The following PM20D2 variants were observed in gnomAD, a reference collection of about 807,000 sequenced individuals.
PM20D2 encodes peptidase M20 domain containing 2.
A neutral mutation model predicts 42.9 loss-of-function variants in PM20D2; 33 were observed. The observed-to-expected ratio is 0.77, with a 90% CI of 0.58 to 1.03. The LOEUF is 1.03. Among genes scored for constraint, PM20D2 ranks in the 50% least tolerant of loss-of-function variants. PM20D2 has a pLI of 0.00. For synonymous variants in PM20D2, 250 were observed against 228.2 expected, an observed-to-expected ratio of 1.10 and a Z score of -0.86; for missense variants, 548 against 557.0, an observed-to-expected ratio of 0.98 and a Z score of 0.16.
the PM20D2 span, among the ~76,000 whole-genome samples, chr6:89,116,183 T>G: frequency 4.6e-3 from 699 of 152,354 alleles, 1 homozygote; most frequent in African/African-American, 0.016. Flanking sequence ...CCTTATAGGC[T>G]GGCAGCTTCA....
chr6:89,161,939 G>A (rs1395450993), intron 6 of PM20D2, 49 bp downstream of exon 6: 1 of 1,518,550 alleles, frequency 6.6e-7, no homozygotes, highest in African/African-American at 1.4e-5. Flanking sequence ...TCTTCTTCTG[G>A]TAGTAGCTGC....
At chr6:89,113,565 T>C in the PM20D2 span, among the ~76,000 whole-genome samples, 1 of 152,182 alleles carries the variant, frequency 6.6e-6, no homozygotes, top group South Asian at 2.1e-4. Context: ...TGCCTCGGCC[T>C]CCCAAAGTGC....
rs1322931699 is a variant in PM20D2 at position 89,146,434 on chromosome 6, G to C, written c.290G>C (p.Arg97Pro). The C allele has an allele frequency of 1.2e-5, 18 of 1,523,888 alleles. No homozygotes were observed. The highest frequency in any genetic ancestry group is 1.6e-5 in the Non-Finnish European group (18 of 1,142,858). The allele number at this position is 1,523,888 out of a possible 1,614,324, so 94.4% of individuals were successfully genotyped here. A position where few individuals can be genotyped will look rare whatever the true frequency, so the allele number is the denominator to read the frequency against. Residue 97 changes from arginine (R) to proline (P), a missense_variant, in exon 1 of 7, where the codon CGG becomes CCG. Physicochemically the swap from Arg to Pro is moderately radical, Grantham distance 103. Coordinates refer to ENST00000275072, the MANE Select transcript of PM20D2 (RefSeq NM_001010853.3). ...FRAEWEPPEA[R>P]APSATPRPLH... ...GCCGAGTGGGAGCCGCCGGAGGCCC[G>C]GGCACCGAGCGCCACGCCACGCCCG...
chr6:89,139,491 G>A, the PM20D2 span, among the ~76,000 whole-genome samples: 1 of 152,164 alleles, frequency 6.6e-6, no homozygotes, highest in Non-Finnish European at 1.5e-5. Context: ...TGGGATTATA[G>A]GCGAGAGCCA....
chr6:89,098,262 C>G, the PM20D2 span: 1 of 231,258 alleles, frequency 4.3e-6, no homozygotes, highest in Non-Finnish European at 8.5e-6. Context: ...ATTAATAGTA[C>G]TAATACTATG....
At chr6:89,137,665 A>C in the PM20D2 span, among the ~76,000 whole-genome samples, 1 of 152,226 alleles carries the variant, frequency 6.6e-6, no homozygotes, top group Non-Finnish European at 1.5e-5. Flanking sequence ...CTAAAAATGC[A>C]TATTACAATT....
chr6:89,130,951 C>T, the PM20D2 span, among the ~76,000 whole-genome samples: 1 of 149,318 alleles, frequency 6.7e-6, no homozygotes, highest in Non-Finnish European at 1.5e-5. Context: ...AATCCACTGG[C>T]CTTGGCCTCT....
At chr6:89,106,376 G>C in the PM20D2 span, among the ~76,000 whole-genome samples, 2 of 152,142 alleles carry the variant, frequency 1.3e-5, no homozygotes, top group Non-Finnish European at 2.9e-5. Context: ...GCCTCCCAAA[G>C]TGCTGGGATT....
the PM20D2 span, chr6:89,118,018 C>G: frequency 2.1e-6 from 2 of 943,590 alleles, no homozygotes; most frequent in African/African-American, 3.6e-5. Context: ...CTCAGCCCCG[C>G]CAGCGCGCAG....
At chr6:89,133,864 A>G in the PM20D2 span, among the ~76,000 whole-genome samples, 288 of 151,442 alleles carry the variant, frequency 1.9e-3, 21 homozygotes, top group African/African-American at 6.8e-3. Context: ...CTGGACTAAC[A>G]CCAGACATAT....
the PM20D2 span, among the ~76,000 whole-genome samples, chr6:89,109,056 A>G: frequency 2.0e-5 from 3 of 152,310 alleles, no homozygotes; most frequent in Admixed American, 6.5e-5. Context: ...ACCATGTGCC[A>G]GGCTCTAGGA....
chr6:89,155,890 CTT>C (rs1415642846), intron 4 of PM20D2, among the ~76,000 whole-genome samples: 1 of 118,072 alleles, frequency 8.5e-6, no homozygotes. Flanking sequence ...TTTTTTTTTT[CTT>C]TTTTTTTTTT....
At chr6:89,094,671 A>G in the PM20D2 span, among the ~76,000 whole-genome samples, 1 of 152,236 alleles carries the variant, frequency 6.6e-6, no homozygotes, top group Non-Finnish European at 1.5e-5. Flanking sequence ...GCTAAGGTGC[A>G]TAATCCACAT....
the PM20D2 span, among the ~76,000 whole-genome samples, chr6:89,126,785 T>C: frequency 6.6e-6 from 1 of 151,264 alleles, no homozygotes; most frequent in Non-Finnish European, 1.5e-5. Flanking sequence ...TCCCTAAATA[T>C]AATTTTGTCT....
At chr6:89,161,004 A>G (rs1418253921) in intron 5 of PM20D2, among the ~76,000 whole-genome samples, 3 of 152,108 alleles carry the variant, frequency 2.0e-5, no homozygotes, top group Non-Finnish European at 2.9e-5. Context: ...AAAAGACGGC[A>G]AATAGAGTAG....
At chr6:89,150,507 T>G (rs1370057393) in intron 2 of PM20D2, among the ~76,000 whole-genome samples, 1 of 150,812 alleles carries the variant, frequency 6.6e-6, no homozygotes, top group African/African-American at 2.4e-5. Flanking sequence ...GTATCTGCCT[T>G]CTTAGCTTTC....
At chr6:89,142,294 G>A (rs1770347810), upstream of PM20D2, among the ~76,000 whole-genome samples, 1 of 152,152 alleles carries the variant, frequency 6.6e-6, no homozygotes, top group Admixed American at 6.5e-5. Context: ...TCTAGTGCGT[G>A]TTACGTGTTT....
chr6:89,140,867 A>G, the PM20D2 span, among the ~76,000 whole-genome samples: 1 of 152,334 alleles, frequency 6.6e-6, no homozygotes, highest in South Asian at 2.1e-4. Flanking sequence ...CATTTGAAGA[A>G]ATCCGCACAG....
chr6:89,098,521 A>C, the PM20D2 span: 1 of 1,516,318 alleles, frequency 6.6e-7, no homozygotes, highest in African/African-American at 1.4e-5. Context: ...TTTATTTAAC[A>C]TAATGAGAGT....
Sources: gnomAD v4.1 joint callset for allele counts (sites outside exome capture counted in the v4.1 genomes callset) on GRCh38, gnomAD v4.1.1 for gene constraint, MANE v1.5 for transcripts, NCBI Gene and HGNC (gene_info 2026-07-23, HGNC 2026-07-21) for gene names.